PLCB1: variants seen among roughly 807,000 people sequenced by gnomAD.
The protein encoded by PLCB1 is 1-phosphatidylinositol 4,5-bisphosphate phosphodiesterase beta-1.
Under a neutral mutation model 161.8 loss-of-function variants are expected in PLCB1, and 46 were observed. That is an observed-to-expected ratio of 0.28 (90% CI 0.22 to 0.36). PLCB1 has a LOEUF of 0.36. PLCB1 is among the 10% of genes least tolerant of loss of function. The pLI is 1.00. For missense variants in PLCB1, 1,016 were observed against 1,472.5 expected (o/e 0.69, Z 5.07); for synonymous variants, 517 against 503.7 (o/e 1.03, Z -0.35).
chr20:8,860,657 C>T (rs570933104), intron 31 of PLCB1, among the ~76,000 whole-genome samples: 1 of 152,302 alleles, frequency 6.6e-6, no homozygotes, highest in South Asian at 2.1e-4. Flanking sequence ...CACAGGGACT[C>T]AGGCTGGCTG....
At chr20:8,752,478 C>T (rs944252171) in intron 23 of PLCB1, 8 of 152,116 alleles carry the variant, frequency 5.3e-5, no homozygotes, top group South Asian at 4.1e-4. Flanking sequence ...AGTCTCCATT[C>T]GGTAAATGGA....
intron 3 of PLCB1, among the ~76,000 whole-genome samples, chr20:8,552,901 G>C (rs1290529907): frequency 1.3e-5 from 2 of 152,214 alleles, no homozygotes; most frequent in South Asian, 4.1e-4. Flanking sequence ...ATTTCATGGT[G>C]AATATGTGTT....
At chr20:8,538,041 T>C (rs1985124473) in intron 3 of PLCB1, among the ~76,000 whole-genome samples, 1 of 152,198 alleles carries the variant, frequency 6.6e-6, no homozygotes, top group Non-Finnish European at 1.5e-5. Context: ...AAATGTTGAC[T>C]AGAGTCCCTC....
intron 3 of PLCB1, among the ~76,000 whole-genome samples, chr20:8,577,329 T>C (rs1413449942): frequency 6.7e-6 from 1 of 149,170 alleles, no homozygotes; most frequent in Non-Finnish European, 1.5e-5. Context: ...TCCCAGCTAC[T>C]CCGGAGGCTG....
chr20:8,383,466 G>A (rs1254855678), intron 3 of PLCB1, among the ~76,000 whole-genome samples: 4 of 152,070 alleles, frequency 2.6e-5, no homozygotes, highest in South Asian at 4.2e-4. Flanking sequence ...ACGGCATACC[G>A]ATGGGTCTTG....
chr20:8,361,528 G>T, intron 2 of PLCB1, among the ~76,000 whole-genome samples: 1 of 152,054 alleles, frequency 6.6e-6, no homozygotes, highest in East Asian at 1.9e-4. Context: ...TTGAACCAGA[G>T]AATTTGCATT....
At chr20:8,781,415 CAA>C (rs1333520090) in intron 27 of PLCB1, among the ~76,000 whole-genome samples, 9 of 21,110 alleles carry the variant, frequency 4.3e-4, no homozygotes, top group South Asian at 1.7e-3. Context: ...CACACACACA[CAA>C]ACACACACAC....
chr20:8,879,849 A>G lies in PLCB1; in HGVS notation c.3424-1773A>G, dbSNP rs1047644206. The stretch of plus-strand genomic sequence containing the variant: ...ACCCTGGCATTCCAGGGATCAGAAC[A>G]AGCCCCAGAGGCTGCCCTGAAAGCT... On this transcript the variant is annotated intron_variant, in intron 31 of 31. Transcript: ENST00000338037. Among the ~76,000 whole-genome samples, 18 of 152,266 alleles carry G rather than the reference A, an allele frequency of 1.2e-4. 1 individual carries two copies. The East Asian group carries it at 3.1e-3, about 26-fold the overall frequency.
chr20:8,493,084 C>T (rs1158991576), intron 3 of PLCB1, among the ~76,000 whole-genome samples: 1 of 151,904 alleles, frequency 6.6e-6, no homozygotes, highest in Non-Finnish European at 1.5e-5. Context: ...CAATGGGGAC[C>T]CCAAGATCCC....
chr20:8,203,212 G>C (rs1037514223), intron 2 of PLCB1, among the ~76,000 whole-genome samples: 1 of 152,090 alleles, frequency 6.6e-6, no homozygotes, highest in African/African-American at 2.4e-5. Flanking sequence ...TGAGCAATGG[G>C]AGTAGTCTGA....
intron 31 of PLCB1, among the ~76,000 whole-genome samples, chr20:8,836,738 A>G (rs373961348): frequency 2.0e-5 from 3 of 152,338 alleles, no homozygotes; most frequent in East Asian, 3.9e-4. Context: ...GCTTTTGAAC[A>G]TGATTGGCAA....
At chr20:8,633,332 A>G (rs1476961057) in intron 4 of PLCB1, among the ~76,000 whole-genome samples, 1 of 152,210 alleles carries the variant, frequency 6.6e-6, no homozygotes, top group African/African-American at 2.4e-5. Context: ...ATATAGCAGA[A>G]GTTCAGTTTT....
At chr20:8,608,636 A>G (rs1366108942) in intron 3 of PLCB1, among the ~76,000 whole-genome samples, 1 of 152,192 alleles carries the variant, frequency 6.6e-6, no homozygotes, top group African/African-American at 2.4e-5. Flanking sequence ...TGCATAAGAC[A>G]CTAATGACTT....
chr20:8,317,658 A>AGAT (rs1325296387), intron 2 of PLCB1, among the ~76,000 whole-genome samples: 1 of 152,228 alleles, frequency 6.6e-6, no homozygotes, highest in East Asian at 1.9e-4. Flanking sequence ...TGACCTGTGA[A>AGAT]GATGAGCTCA....
At chr20:8,557,804 G>A (rs1293111810) in intron 3 of PLCB1, among the ~76,000 whole-genome samples, 6 of 151,904 alleles carry the variant, frequency 3.9e-5, no homozygotes, top group Non-Finnish European at 5.9e-5. Context: ...ACCCCAAGCA[G>A]TGGCAAGAAT....
chr20:8,284,187 G>T (rs1380493137), intron 2 of PLCB1, among the ~76,000 whole-genome samples: 1 of 151,656 alleles, frequency 6.6e-6, no homozygotes, highest in Non-Finnish European at 1.5e-5. Flanking sequence ...TTTTAACTAG[G>T]TCTCCCCCTT....
intron 4 of PLCB1, among the ~76,000 whole-genome samples, chr20:8,635,191 G>A (rs926491972): frequency 2.0e-5 from 3 of 152,088 alleles, no homozygotes; most frequent in African/African-American, 7.2e-5. Flanking sequence ...CAGTAGTTTA[G>A]TCTGTTTTGT....
intron 31 of PLCB1, among the ~76,000 whole-genome samples, chr20:8,824,658 G>A (rs774233944): frequency 1.5e-4 from 23 of 152,092 alleles, no homozygotes; most frequent in Non-Finnish European, 2.5e-4. Context: ...TTGGATTTTC[G>A]AGGCTTAGCA....
chr20:8,856,124 G>T (rs6056209), intron 31 of PLCB1, among the ~76,000 whole-genome samples: 1 of 151,680 alleles, frequency 6.6e-6, no homozygotes, highest in Non-Finnish European at 1.5e-5. Flanking sequence ...AATCTGAAAC[G>T]TGTGCATGTA....
Sources: allele counts gnomAD v4.1 joint callset (sites outside exome capture counted in the v4.1 genomes callset), GRCh38; gene constraint gnomAD v4.1.1; transcripts MANE v1.5; gene names NCBI Gene and HGNC (gene_info 2026-07-23, HGNC 2026-07-21).